The following JAZF1 variants were observed in gnomAD, a reference collection of about 807,000 sequenced individuals.
The protein encoded by JAZF1 is JAZF zinc finger 1.
A neutral mutation model predicts 26.4 loss-of-function variants in JAZF1; 8 were observed. The ratio of observed to expected loss-of-function variants is 0.30; its 90% CI spans 0.18 to 0.55. The LOEUF is 0.55. Ranked by LOEUF, JAZF1 falls within the 20% of genes least tolerant of loss-of-function variation. The pLI is 0.94. For missense variants in JAZF1, 199 were observed against 322.0 expected (o/e 0.62, Z 2.92); for synonymous variants, 126 against 122.3 (o/e 1.03, Z -0.20).
intron 1 of JAZF1, among the ~76,000 whole-genome samples, chr7:28,170,858 C>T (rs1338186955): frequency 6.6e-6 from 1 of 152,192 alleles, no homozygotes; most frequent in African/African-American, 2.4e-5. Context: ...GGCAGCAAAG[C>T]CGGCCCTGGC....
At chr7:27,858,328 T>C (rs2128335615) in intron 3 of JAZF1, among the ~76,000 whole-genome samples, 1 of 152,330 alleles carries the variant, frequency 6.6e-6, no homozygotes, top group South Asian at 2.1e-4. Flanking sequence ...ACAGATTCAA[T>C]GCTATCCTCA....
At chr7:27,959,585 C>G (rs560824805) in intron 2 of JAZF1, among the ~76,000 whole-genome samples, 1 of 152,160 alleles carries the variant, frequency 6.6e-6, no homozygotes, top group Non-Finnish European at 1.5e-5. Flanking sequence ...CCATACAGAG[C>G]ATATGTTACA....
chr7:28,102,598 G>A (rs192812009), intron 1 of JAZF1, among the ~76,000 whole-genome samples: 1 of 151,836 alleles, frequency 6.6e-6, no homozygotes, highest in East Asian at 1.9e-4. Context: ...TTCATTTTTT[G>A]AAAAAAAATG....
At chr7:28,043,274 A>C (rs1404495771) in intron 1 of JAZF1, among the ~76,000 whole-genome samples, 1 of 152,164 alleles carries the variant, frequency 6.6e-6, no homozygotes, top group Non-Finnish European at 1.5e-5. Context: ...TTCTCCAAGA[A>C]CATGAGCTCT....
chr7:27,884,989 C>G (rs1045811612), intron 3 of JAZF1, among the ~76,000 whole-genome samples: 3 of 152,126 alleles, frequency 2.0e-5, no homozygotes, highest in African/African-American at 7.2e-5. Flanking sequence ...CCCCTCAGAG[C>G]AGGTTTGAGG....
intron 3 of JAZF1, among the ~76,000 whole-genome samples, chr7:27,876,774 A>G (rs1371465213): frequency 6.6e-6 from 1 of 152,216 alleles, no homozygotes; most frequent in Non-Finnish European, 1.5e-5. Context: ...AGAAATCATG[A>G]GCTGAGTGTC....
chr7:27,984,591 C>T (rs1476987743), intron 2 of JAZF1, among the ~76,000 whole-genome samples: 1 of 152,188 alleles, frequency 6.6e-6, no homozygotes, highest in African/African-American at 2.4e-5. Flanking sequence ...CTCAGCTCTG[C>T]ACCAAGCGGA....
intron 1 of JAZF1, among the ~76,000 whole-genome samples, chr7:28,099,171 A>T (rs1276800618): frequency 6.6e-6 from 1 of 152,222 alleles, no homozygotes; most frequent in African/African-American, 2.4e-5. Context: ...TTCAAAGAGG[A>T]TAGTGTACTT....
chr7:28,150,907 C>T (rs1355404666), intron 1 of JAZF1, among the ~76,000 whole-genome samples: 3 of 152,114 alleles, frequency 2.0e-5, no homozygotes, highest in South Asian at 2.1e-4. Context: ...TGTGCTCATT[C>T]GATAGGTAAC....
intron 1 of JAZF1, among the ~76,000 whole-genome samples, chr7:28,014,598 C>A (rs537708755): frequency 6.6e-6 from 1 of 152,196 alleles, no homozygotes; most frequent in Non-Finnish European, 1.5e-5. Context: ...CTCCTCCTTG[C>A]CTTCCACCAT....
At chr7:28,065,390 G>C (rs1445784815) in intron 1 of JAZF1, among the ~76,000 whole-genome samples, 1 of 151,948 alleles carries the variant, frequency 6.6e-6, no homozygotes, top group Non-Finnish European at 1.5e-5. Context: ...TGAAAACCTG[G>C]GTAGAGTAGA....
chr7:27,887,884 G>A (rs984019468), intron 3 of JAZF1, among the ~76,000 whole-genome samples: 2 of 152,172 alleles, frequency 1.3e-5, no homozygotes, highest in African/African-American at 4.8e-5. Context: ...AGAAGATGCT[G>A]GGGAAGCAGA....
rs551484019 is a variant in JAZF1, at chr7:27,871,546, C to T, written c.385+23674G>A. On this transcript the variant is annotated intron_variant, in intron 3 of 4. Transcript: ENST00000283928. ...AATGAACAGATACTCAGCAAACCTT[C>T]GGGGGAGACACAGACAACCTCTGCA... 5.3e-5 allele frequency among the ~76,000 whole-genome samples: 8 copies of T among 152,248 alleles called. No individual in the cohort carries two copies. In the South Asian group the frequency reaches 6.2e-4, roughly 12 times the overall value.
chr7:27,977,265 G>A (rs1435160291), intron 2 of JAZF1, among the ~76,000 whole-genome samples: 1 of 152,134 alleles, frequency 6.6e-6, no homozygotes, highest in African/African-American at 2.4e-5. Flanking sequence ...ATTTCATGCT[G>A]ATCATGTTGA....
chr7:27,957,133 C>G (rs1015609931), intron 2 of JAZF1, among the ~76,000 whole-genome samples: 8 of 151,304 alleles, frequency 5.3e-5, no homozygotes, highest in Non-Finnish European at 1.0e-4. Context: ...CTTTGGTTCT[C>G]TTCCGGGTAA....
At chr7:28,074,614 G>A (rs1349022185) in intron 1 of JAZF1, among the ~76,000 whole-genome samples, 1 of 152,114 alleles carries the variant, frequency 6.6e-6, no homozygotes, top group Non-Finnish European at 1.5e-5. Flanking sequence ...GAAGAAATGA[G>A]CTATTTGAGT....
chr7:28,034,469 T>TACACAC (rs59979673), intron 1 of JAZF1, among the ~76,000 whole-genome samples: 24,071 of 145,180 alleles, frequency 0.17, 2,476 homozygotes, highest in African/African-American at 0.29. Flanking sequence ...AGAAAACTAA[T>TACACAC]ACACACACAC....
At chr7:28,111,475 T>C (rs962801668) in intron 1 of JAZF1, among the ~76,000 whole-genome samples, 5 of 152,236 alleles carry the variant, frequency 3.3e-5, no homozygotes, top group Non-Finnish European at 7.3e-5. Flanking sequence ...TTCAGTTTTA[T>C]GGTAAAATAT....
intron 2 of JAZF1, among the ~76,000 whole-genome samples, chr7:27,984,699 G>A (rs1281964743): frequency 6.6e-6 from 1 of 152,154 alleles, no homozygotes; most frequent in Non-Finnish European, 1.5e-5. Flanking sequence ...CCACATAGTT[G>A]GAAGTAAAGC....
Sources: allele counts gnomAD v4.1 joint callset (sites outside exome capture counted in the v4.1 genomes callset), GRCh38; gene constraint gnomAD v4.1.1; transcripts MANE v1.5; gene names NCBI Gene and HGNC (gene_info 2026-07-23, HGNC 2026-07-21).